The following FAAH2 variants were observed in gnomAD, a reference collection of about 807,000 sequenced individuals.
FAAH2 encodes the protein fatty acid amide hydrolase 2.
FAAH2 carries 60 observed loss-of-function variants against 36.9 expected under a neutral mutation model. That is an observed-to-expected ratio of 1.63 (90% confidence interval 1.32 to 2.02). FAAH2 has a LOEUF of 2.02. FAAH2 is among the 30% of genes most tolerant of loss of function. The pLI is 0.00. For missense variants in FAAH2, 689 were observed against 397.5 expected (o/e 1.73, Z -6.23); for synonymous variants, 214 against 143.8 (o/e 1.49, Z -3.49).
At chrX:57,172,048 A>G in the FAAH2 span, among the ~76,000 whole-genome samples, 60 of 111,578 alleles carry the variant, frequency 5.4e-4, no homozygotes, top group African/African-American at 2.0e-3. Flanking sequence ...TTTGTTGACC[A>G]TCACTTGATT....
rs768447173 is a variant in FAAH2 at position 57,404,280 on chromosome X, AT to A, written c.996+23257del. 3.1e-4 allele frequency among the ~76,000 whole-genome samples: 35 copies of A among 111,522 alleles called. No individual in the cohort carries two copies. In the South Asian group the frequency reaches 0.012, roughly 39 times the overall value. ...GGCTTTTAAAGAAATAGGGTACACT[AT>A]TTTTTCTTTACTACTTCTATCTTTC... On this transcript the variant is annotated intron_variant, in intron 7 of 10. Coordinates refer to ENST00000374900, the MANE Select transcript of FAAH2 (RefSeq NM_174912.4).
At chrX:57,416,612 G>A (rs1471986042) in intron 7 of FAAH2, among the ~76,000 whole-genome samples, 1 of 111,961 alleles carries the variant, frequency 8.9e-6, no homozygotes, top group Non-Finnish European at 1.9e-5. Context: ...TGTGTGATGG[G>A]CTTCTTTTTG....
chrX:57,385,016 A>C (rs2054976042), intron 7 of FAAH2, among the ~76,000 whole-genome samples: 1 of 111,281 alleles, frequency 9.0e-6, no homozygotes, highest in Non-Finnish European at 1.9e-5. Flanking sequence ...TATTCTCAGC[A>C]AACTATCACA....
intron 2 of FAAH2, among the ~76,000 whole-genome samples, chrX:57,300,741 A>G (rs1393423832): frequency 8.9e-6 from 1 of 112,100 alleles, no homozygotes; most frequent in East Asian, 2.8e-4. Context: ...CAGAATCTAC[A>G]GTGAACTCAT....
chrX:57,188,357 T>C, the FAAH2 span, among the ~76,000 whole-genome samples: 1 of 111,757 alleles, frequency 8.9e-6, no homozygotes, highest in East Asian at 2.8e-4. Flanking sequence ...TATAGGTGTT[T>C]ATACTATTCT....
the FAAH2 span, among the ~76,000 whole-genome samples, chrX:57,195,718 G>C: frequency 2.7e-5 from 3 of 112,119 alleles, no homozygotes; most frequent in South Asian, 1.1e-3. Flanking sequence ...TTATCTTCCA[G>C]AATTTTTAGG....
intron 10 of FAAH2, among the ~76,000 whole-genome samples, chrX:57,460,904 C>A (rs2056946783): frequency 9.0e-6 from 1 of 111,161 alleles, no homozygotes; most frequent in African/African-American, 3.3e-5. Flanking sequence ...ATTCAGGGGA[C>A]CCACCTCACG....
rs187330997 is a variant in FAAH2, at chrX:57,394,480, T to C, written c.996+13451T>C. 2,995 of 1,200,637 alleles carry C rather than the reference T, an allele frequency of 2.5e-3. 5 individuals are homozygous for C. The highest frequency in any genetic ancestry group is 3.2e-3 in the Non-Finnish European group (2,825 of 887,967). On this transcript the variant is annotated intron_variant, in intron 7 of 10. Transcript: ENST00000374900. Reference sequence around the variant, plus strand: ...TGGGCTTCGGTTTACAAGATCGTGATATATCAATGTCACTTGGAACAGGTG... The same window carrying C: ...TGGGCTTCGGTTTACAAGATCGTGACATATCAATGTCACTTGGAACAGGTG...
chrX:57,446,535 A>T (rs1216802629), intron 8 of FAAH2, among the ~76,000 whole-genome samples: 2 of 111,963 alleles, frequency 1.8e-5, no homozygotes, highest in South Asian at 3.7e-4. Flanking sequence ...TATTTTCGTC[A>T]TTCCTAAAAG....
At chrX:57,304,123 C>T (rs1319627590) in intron 2 of FAAH2, among the ~76,000 whole-genome samples, 2 of 111,795 alleles carry the variant, frequency 1.8e-5, no homozygotes, top group Non-Finnish European at 3.8e-5. Context: ...AGGAGAATTG[C>T]TTGAGCCCAG....
intron 7 of FAAH2, chrX:57,394,176 C>T (rs749296060): frequency 1.9e-4 from 121 of 651,323 alleles, no homozygotes; most frequent in South Asian, 1.3e-3. Context: ...CCTCCTGCAA[C>T]ACCACCTTTT....
At chrX:57,445,478 C>T (rs1444243159) in intron 8 of FAAH2, among the ~76,000 whole-genome samples, 3 of 111,340 alleles carry the variant, frequency 2.7e-5, no homozygotes, top group African/African-American at 9.8e-5. Flanking sequence ...TCATCCAAGG[C>T]TCATGGCAAC....
At chrX:57,416,462 G>C (rs2055845309) in intron 7 of FAAH2, among the ~76,000 whole-genome samples, 2 of 111,448 alleles carry the variant, frequency 1.8e-5, no homozygotes, top group South Asian at 7.5e-4. Flanking sequence ...TCTCTGTAAA[G>C]AATTTTATTT....
the FAAH2 span, among the ~76,000 whole-genome samples, chrX:57,245,218 C>G: frequency 3.0e-3 from 338 of 111,732 alleles, 3 homozygotes; most frequent in African/African-American, 0.011. Flanking sequence ...ACAGGAGCAA[C>G]CAGATTATAA....
intron 2 of FAAH2, among the ~76,000 whole-genome samples, chrX:57,299,549 A>G (rs2052270286): frequency 8.9e-6 from 1 of 111,942 alleles, no homozygotes; most frequent in South Asian, 3.8e-4. Flanking sequence ...CTGGCACAAG[A>G]CAGGGATGCC....
intron 10 of FAAH2, among the ~76,000 whole-genome samples, chrX:57,474,400 T>A (rs1271120361): frequency 9.1e-6 from 1 of 110,279 alleles, no homozygotes; most frequent in Non-Finnish European, 1.9e-5. Context: ...GATTTTCCCC[T>A]CCCTGTGTCC....
chrX:57,394,022 G>A (rs963544490), intron 7 of FAAH2: 1 of 762,165 alleles, frequency 1.3e-6, no homozygotes, highest in South Asian at 2.1e-5. Flanking sequence ...ATGAGTAAAG[G>A]TAGCCTTGTC....
chrX:57,273,914 G>C, the FAAH2 span, among the ~76,000 whole-genome samples: 1 of 111,479 alleles, frequency 9.0e-6, no homozygotes. Context: ...TAAGAGCAGA[G>C]CAGAACTGAA....
the FAAH2 span, among the ~76,000 whole-genome samples, chrX:57,278,955 A>G: frequency 8.9e-6 from 1 of 112,012 alleles, no homozygotes; most frequent in South Asian, 3.7e-4. Flanking sequence ...TCGGGAAACA[A>G]CAGATGCTGG....
Sources: allele counts gnomAD v4.1 joint callset (sites outside exome capture counted in the v4.1 genomes callset), GRCh38; gene constraint gnomAD v4.1.1; transcripts MANE v1.5; gene names NCBI Gene and HGNC (gene_info 2026-07-23, HGNC 2026-07-21).